Variants in DTX1 observed in about 807,000 individuals in gnomAD.
The protein encoded by DTX1 is deltex E3 ubiquitin ligase 1.
Under a neutral mutation model 57.8 loss-of-function variants are expected in DTX1, and 26 were observed. The ratio of observed to expected loss-of-function variants is 0.45; its 90% CI spans 0.33 to 0.62. The LOEUF (loss-of-function observed/expected upper bound fraction) is 0.62. Among genes scored for constraint, DTX1 ranks in the 20% least tolerant of loss-of-function variants. The pLI is 0.02. For synonymous variants in DTX1, 398 were observed against 394.1 expected (o/e 1.01, Z -0.12); for missense variants, 704 against 895.3 (o/e 0.79, Z 2.73).
chr12:113,084,492 C>G (rs1457165237), intron 3 of DTX1, among the ~76,000 whole-genome samples: 1 of 152,114 alleles, frequency 6.6e-6, no homozygotes, highest in Non-Finnish European at 1.5e-5. Flanking sequence ...CTCAAGCAAT[C>G]CTCCTGCCTC....
In DTX1 at chr12:113,095,428, C is replaced by T. The variant is rs376567903; in HGVS notation, c.1638+14C>T. 127 of 1,613,970 alleles carry T rather than the reference C, an allele frequency of 7.9e-5. No individual in the cohort carries two copies. Among genetic ancestry groups the T allele is most frequent in the African/African-American group, 2.7e-4 (20 of 74,942 alleles). On this transcript the variant is annotated intron_variant, in intron 9 of 9. Coordinates refer to ENST00000548759, the MANE Select transcript of DTX1 (RefSeq NM_004416.3). ...AAAGGCCGGAAGGTGGGTGCCCAGC[C>T]GTGAGGGCATGGGAGATAGGCACAG...
intron 2 of DTX1, among the ~76,000 whole-genome samples, chr12:113,065,757 GGAGGGTGTGATGA>G (rs890898468): frequency 3.3e-5 from 5 of 152,112 alleles, no homozygotes; most frequent in African/African-American, 1.2e-4. Context: ...GGGAGATGAT[GGAGGGTGTGATGA>G]GAGGGTGACG....
chr12:113,058,854 T>A (rs2136421239), intron 2 of DTX1, among the ~76,000 whole-genome samples: 1 of 152,322 alleles, frequency 6.6e-6, no homozygotes, highest in East Asian at 1.9e-4. Flanking sequence ...TCACAGGCAG[T>A]AAGTCTGTGT....
At chr12:113,057,342 C>T (rs1411934193) in intron 1 of DTX1, 107 bp from the exon 2 acceptor site, 1 of 152,582 alleles carries the variant, frequency 6.6e-6, no homozygotes, top group African/African-American at 2.4e-5. Flanking sequence ...CCCTTGCTGT[C>T]CCCCTTCGGT....
At chr12:113,073,062 G>C (rs1010933041) in intron 2 of DTX1, among the ~76,000 whole-genome samples, 2 of 151,990 alleles carry the variant, frequency 1.3e-5, no homozygotes, top group Non-Finnish European at 2.9e-5. Flanking sequence ...CTCCTATCCC[G>C]GCCCCTCCCC....
In DTX1 at chr12:113,095,119, G is replaced by A. The variant is rs1405920264; in HGVS notation, c.1464G>A (p.Glu488=). 6.2e-7 allele frequency: 1 copy of A among 1,613,728 alleles called. No homozygotes were observed. Among genetic ancestry groups the A allele is most frequent in the Non-Finnish European group, 8.5e-7 (1 of 1,179,782 alleles). The change falls in exon 8 of 10, where the codon GAG becomes GAA. Residue 488 remains glutamate (E), a synonymous_variant. Transcript: ENST00000548759. The part of the protein sequence containing the change: ...KTGTQPPGKM[E]FHLIPHSLPG... ...GTACGCAGCCGCCTGGGAAGATGGA[G>A]TTCCACCTCATCCCCCACTCGCTGC... is the stretch of plus-strand genomic sequence containing the variant.
At chr12:113,088,643 G>T (rs1950222462) in intron 3 of DTX1, among the ~76,000 whole-genome samples, 2 of 152,184 alleles carry the variant, frequency 1.3e-5, no homozygotes, top group African/African-American at 4.8e-5. Context: ...GTCGTGATTA[G>T]TGCTATGAAA....
At chr12:113,080,050 G>A (rs2044805537) in intron 3 of DTX1, among the ~76,000 whole-genome samples, 1 of 151,680 alleles carries the variant, frequency 6.6e-6, no homozygotes, top group Non-Finnish European at 1.5e-5. Flanking sequence ...CCAGGAGGAG[G>A]GTTGGCATGG....
chr12:113,060,841 G>A (rs1045207490), intron 2 of DTX1, among the ~76,000 whole-genome samples: 2 of 152,182 alleles, frequency 1.3e-5, no homozygotes, highest in African/African-American at 4.8e-5. Context: ...TCCTTGCTAG[G>A]AGGTCTGGTG....
chr12:113,078,102 CG>C lies in DTX1; in HGVS notation c.941+1del. On this transcript the variant is annotated frameshift_variant and splice_region_variant, in exon 3 of 10. Transcript: ENST00000548759. LOFTEE classifies it high-confidence loss of function. ...GTGAGCGCGCGCGCCTCCATCCCGC[CG>C]GGGTAAGACGGGGCCCAGGGGGAGG... ...TSVSARASIP[P>X]GVPALPVKNL... is the part of the protein sequence containing the mutation. 1 of 1,371,210 alleles carries C rather than the reference CG, an allele frequency of 7.3e-7. No homozygotes were observed. Among genetic ancestry groups the C allele is most frequent in the Non-Finnish European group, 9.4e-7 (1 of 1,064,214 alleles). 84.9% of individuals were successfully genotyped at this position (1,371,210 alleles called of 1,614,324 possible).
chr12:113,078,148 A>G, intron 3 of DTX1, 43 bp downstream of exon 3: 1 of 1,301,976 alleles, frequency 7.7e-7, no homozygotes, highest in Non-Finnish European at 9.8e-7. Context: ...CGTCGTCCGC[A>G]GGCAAGGACG....
At chr12:113,061,811 G>C (rs1344136125) in intron 2 of DTX1, among the ~76,000 whole-genome samples, 2 of 151,556 alleles carry the variant, frequency 1.3e-5, no homozygotes, top group African/African-American at 4.9e-5. Flanking sequence ...AGTGATTCTC[G>C]TGCCTCAACC....
Position 113,093,115 on chromosome 12 carries a change from C to T in DTX1, c.942-47C>T. ...AGGCAAGCCAGGTCCCCTGACGTCG[C>T]TTCGGGGGCTGGAGTCCAGCTGCGG... On this transcript the variant is annotated intron_variant, in intron 3 of 9. Coordinates refer to ENST00000548759, the MANE Select transcript of DTX1 (RefSeq NM_004416.3). The surrounding 1 kb of genome is among the most constrained non-coding windows in gnomAD (Gnocchi z 4.2). 1.3e-6 allele frequency: 2 copies of T among 1,555,788 alleles called. No homozygotes were observed. The highest frequency in any genetic ancestry group is 1.7e-6 in the Non-Finnish European group (2 of 1,148,864).
At chr12:113,084,416 C>T (rs773127297) in intron 3 of DTX1, among the ~76,000 whole-genome samples, 1 of 152,124 alleles carries the variant, frequency 6.6e-6, no homozygotes, top group African/African-American at 2.4e-5. Flanking sequence ...GACAGGGTCT[C>T]ACTCCGTCAC....
Position 113,093,039 on chromosome 12 carries a change from G to GAA in DTX1, c.942-123_942-122insAA. On this transcript the variant is annotated intron_variant, in intron 3 of 9. Coordinates refer to ENST00000548759, the MANE Select transcript of DTX1 (RefSeq NM_004416.3). The surrounding 1 kb of genome is among the most constrained non-coding windows in gnomAD (Gnocchi z 4.2). ...AGTTTCCTGGAGGTAACTGCAGTTG[G>GAA]CAGAGAGGTACAAAGAGGCCAGGGT... The GAA allele has an allele frequency of 1.9e-6, 1 of 527,438 alleles. No individual in the cohort carries two copies. Among genetic ancestry groups the GAA allele is most frequent in the South Asian group, 2.6e-5 (1 of 37,918 alleles). The allele number at this position is 527,438 out of a possible 1,614,324, so 32.7% of individuals were successfully genotyped here. A position where few individuals can be genotyped will look rare whatever the true frequency, so the allele number is the denominator to read the frequency against.
chr12:113,090,324 G>C (rs1190948793), intron 3 of DTX1, among the ~76,000 whole-genome samples: 4 of 152,090 alleles, frequency 2.6e-5, no homozygotes, highest in Non-Finnish European at 5.9e-5. Flanking sequence ...GGTGACAGCT[G>C]CCCCCCTGAG....
intron 2 of DTX1, among the ~76,000 whole-genome samples, chr12:113,063,353 C>T (rs762139351): frequency 1.3e-5 from 2 of 152,226 alleles, no homozygotes; most frequent in Non-Finnish European, 1.5e-5. Context: ...GCCACTGGGA[C>T]AGCCGCCTCC....
chr12:113,084,485 A>C (rs552328601), intron 3 of DTX1, among the ~76,000 whole-genome samples: 3 of 152,176 alleles, frequency 2.0e-5, no homozygotes, highest in African/African-American at 7.2e-5. Context: ...TCCTGGGCTC[A>C]AGCAATCCTC....
intron 2 of DTX1, among the ~76,000 whole-genome samples, chr12:113,065,150 G>A (rs1259780993): frequency 6.6e-6 from 1 of 152,184 alleles, no homozygotes; most frequent in Admixed American, 6.5e-5. Flanking sequence ...TCACAGCCAC[G>A]CTGCAGGACC....
Sources: gnomAD v4.1 joint callset for allele counts (sites outside exome capture counted in the v4.1 genomes callset) on GRCh38, gnomAD v4.1.1 for gene constraint, Gnocchi (gnomAD v3.1) non-coding constraint, MANE v1.5 for transcripts, NCBI Gene and HGNC (gene_info 2026-07-23, HGNC 2026-07-21) for gene names.